The following IQSEC1 variants were observed in gnomAD, a reference collection of about 807,000 sequenced individuals.
The protein encoded by IQSEC1 is IQ motif and Sec7 domain ArfGEF 1, also known as IQ motif and SEC7 domain-containing protein 1.
IQSEC1 carries 31 observed loss-of-function variants against 91.0 expected under a neutral mutation model. The observed-to-expected ratio is 0.34, with a 90% CI of 0.26 to 0.46. The LOEUF is 0.46. Ranked by LOEUF, IQSEC1 falls within the 20% of genes least tolerant of loss-of-function variation. The probability of loss-of-function intolerance (pLI) is 1.00; values close to 1 mark genes in which losing one functional copy is unlikely to be tolerated. For missense variants in IQSEC1, 1,388 were observed against 1,575.6 expected (o/e 0.88, Z 2.02); for synonymous variants, 699 against 662.6 (o/e 1.05, Z -0.84).
chr3:13,129,349 G>A (rs1251196447), intron 2 of IQSEC1, among the ~76,000 whole-genome samples: 1 of 152,100 alleles, frequency 6.6e-6, no homozygotes, highest in African/African-American at 2.4e-5. Context: ...CCTGGTATTG[G>A]TAATTTGTGT....
chr3:12,979,787 C>A lies in IQSEC1; in HGVS notation c.24-37922G>T, dbSNP rs1178480206. 6.6e-6 allele frequency among the ~76,000 whole-genome samples: 1 copy of A among 152,192 alleles called. No individual in the cohort carries two copies. Among genetic ancestry groups the A allele is most frequent in the Admixed American group, 6.5e-5 (1 of 15,288 alleles). Reference sequence around the variant, plus strand: ...TCTCTCTCATGTTCCAGGTGGTATGCTCCATGTCACCAAGAGCTGAGCCTG... The same window carrying A: ...TCTCTCTCATGTTCCAGGTGGTATGATCCATGTCACCAAGAGCTGAGCCTG... On this transcript the variant is annotated intron_variant, in intron 1 of 13. Coordinates refer to ENST00000613206, the MANE Select transcript of IQSEC1 (RefSeq NM_001134382.3). The surrounding 1 kb of genome is among the most constrained non-coding windows in gnomAD (Gnocchi z 4.3).
At chr3:13,200,871 T>C (rs955415170) in intron 1 of IQSEC1, among the ~76,000 whole-genome samples, 2 of 152,208 alleles carry the variant, frequency 1.3e-5, no homozygotes, top group African/African-American at 4.8e-5. Context: ...AATGATAATT[T>C]CTTGGGACGA....
intron 1 of IQSEC1, among the ~76,000 whole-genome samples, chr3:13,196,601 C>T (rs1316482464): frequency 6.6e-6 from 1 of 152,220 alleles, no homozygotes; most frequent in East Asian, 1.9e-4. Flanking sequence ...GGGAGGGCTG[C>T]GTGAGCAGCC....
At chr3:13,246,447 A>G (rs1302377915) in intron 1 of IQSEC1, among the ~76,000 whole-genome samples, 2 of 152,206 alleles carry the variant, frequency 1.3e-5, no homozygotes, top group Non-Finnish European at 2.9e-5. Flanking sequence ...ACGGTGGCAC[A>G]TCAGTGTGAG....
chr3:13,076,367 G>GT (rs1292260230), upstream of IQSEC1, among the ~76,000 whole-genome samples: 8 of 152,160 alleles, frequency 5.3e-5, no homozygotes, highest in Non-Finnish European at 1.2e-4. Flanking sequence ...CTGCCAAGGG[G>GT]TAAGTCCAGA....
intron 3 of IQSEC1, among the ~76,000 whole-genome samples, chr3:12,927,905 T>A (rs1444151936): frequency 1.3e-5 from 2 of 151,938 alleles, no homozygotes; most frequent in African/African-American, 4.8e-5. Context: ...TATTCCAGGG[T>A]TGAGCACAGG....
intron 1 of IQSEC1, among the ~76,000 whole-genome samples, chr3:13,185,715 G>A (rs1237492790): frequency 3.3e-5 from 5 of 152,368 alleles, no homozygotes. Flanking sequence ...AAGGTCACAG[G>A]ATAGCAGAGA....
At chr3:13,200,451 A>T (rs1274166785) in intron 1 of IQSEC1, among the ~76,000 whole-genome samples, 1 of 152,186 alleles carries the variant, frequency 6.6e-6, no homozygotes, top group Non-Finnish European at 1.5e-5. Context: ...GACTTTCTAG[A>T]TCAGAAACAA....
Position 12,945,085 on chromosome 3 carries a change from G to C in IQSEC1, c.24-3220C>G, listed in dbSNP as rs112199137. Among the ~76,000 whole-genome samples, 956 of 152,326 alleles carry C rather than the reference G, an allele frequency of 6.3e-3. 3 individuals are homozygous for C. The highest frequency in any genetic ancestry group is 0.012 in the South Asian group (59 of 4,834). On this transcript the variant is annotated intron_variant, in intron 1 of 13. Coordinates refer to ENST00000613206, the MANE Select transcript of IQSEC1 (RefSeq NM_001134382.3). ...TTGTTCCCAGTTGGCCGCGGTGTGGGGCAGAGGGGGTTGGGGAAAGAGATC... is the reference window on the plus strand; with the variant it reads ...TTGTTCCCAGTTGGCCGCGGTGTGGCGCAGAGGGGGTTGGGGAAAGAGATC...
intron 1 of IQSEC1, among the ~76,000 whole-genome samples, chr3:13,223,564 C>A (rs1694698569): frequency 6.6e-6 from 1 of 152,180 alleles, no homozygotes; most frequent in Non-Finnish European, 1.5e-5. Context: ...AGGTCCCACC[C>A]TCCCAGCAGA....
chr3:13,224,748 C>G (rs1032312284), intron 1 of IQSEC1, among the ~76,000 whole-genome samples: 6 of 152,170 alleles, frequency 3.9e-5, no homozygotes, highest in Non-Finnish European at 5.9e-5. Flanking sequence ...GGAGCCATCT[C>G]CATTGTCAAT....
intron 1 of IQSEC1, among the ~76,000 whole-genome samples, chr3:13,194,480 G>A (rs938142511): frequency 6.6e-6 from 1 of 152,132 alleles, no homozygotes; most frequent in African/African-American, 2.4e-5. Context: ...ACTGCCCACC[G>A]CTCTGTGATT....
In IQSEC1 at chr3:12,901,082, G is replaced by C; in HGVS notation, c.3246C>G (p.Ala1082=). Residue 1082 remains alanine (A), a synonymous_variant, in exon 14 of 14, where the codon GCC becomes GCG. Transcript: ENST00000613206. The part of the protein sequence containing the change: ...HAHGHPPLPS[A]HVGHTVHHHG... ...GGTGGTGCACTGTGTGCCCCACGTG[G>C]GCCGAGGGCAGCGGCGGGTGGCCGT... 1.3e-6 allele frequency: 2 copies of C among 1,541,174 alleles called. No homozygotes were observed. The highest frequency in any genetic ancestry group is 1.7e-6 in the Non-Finnish European group (2 of 1,145,428).
chr3:13,198,703 C>T (rs932175778), intron 1 of IQSEC1, among the ~76,000 whole-genome samples: 2 of 152,236 alleles, frequency 1.3e-5, no homozygotes, highest in South Asian at 4.1e-4. Context: ...TGACCATGGG[C>T]AAGGCACTGC....
At chr3:13,080,356 G>C (rs1158425441) in intron 2 of IQSEC1, among the ~76,000 whole-genome samples, 2 of 152,098 alleles carry the variant, frequency 1.3e-5, no homozygotes, top group African/African-American at 4.8e-5. Context: ...AGGAGAGATG[G>C]GGTGGGGACA....
chr3:13,103,333 C>T lies in IQSEC1; in HGVS notation c.303-55811G>A, dbSNP rs1016696236. Among the ~76,000 whole-genome samples the T allele has an allele frequency of 3.3e-5, 5 of 151,984 alleles. No individual in the cohort carries two copies. The highest frequency in any genetic ancestry group is 6.6e-5 in the Admixed American group (1 of 15,254). ...TCTCCCAGCCACCTTTTTAATTAAC[C>T]GCCCCCGCCAACACACCCGAGGCAC... On this transcript the variant is annotated intron_variant, in intron 2 of 15. Transcript: ENST00000648114. This position sits in a 1 kb window ranked among gnomAD's most constrained non-coding sequence, Gnocchi z 4.1.
chr3:13,085,719 T>C (rs1705724802), intron 2 of IQSEC1, among the ~76,000 whole-genome samples: 1 of 152,226 alleles, frequency 6.6e-6, no homozygotes, highest in African/African-American at 2.4e-5. Context: ...CACGTGCTGT[T>C]ACCCCATTTC....
chr3:13,057,216 C>T (rs1347098814), intron 1 of IQSEC1, among the ~76,000 whole-genome samples: 1 of 152,194 alleles, frequency 6.6e-6, no homozygotes, highest in Non-Finnish European at 1.5e-5. Flanking sequence ...AGGCACAGCT[C>T]CCCGTGTGGA....
intron 1 of IQSEC1, among the ~76,000 whole-genome samples, chr3:13,055,974 A>C (rs1335413646): frequency 6.6e-6 from 1 of 150,930 alleles, no homozygotes; most frequent in Non-Finnish European, 1.5e-5. Context: ...TGTCCCCCCC[A>C]CCACCATTCC....
Sources: gnomAD v4.1 joint callset for allele counts (sites outside exome capture counted in the v4.1 genomes callset) on GRCh38, gnomAD v4.1.1 for gene constraint, Gnocchi (gnomAD v3.1) non-coding constraint, MANE v1.5 for transcripts, NCBI Gene and HGNC (gene_info 2026-07-23, HGNC 2026-07-21) for gene names.